The following KIF13B variants were observed in gnomAD, a reference collection of about 807,000 sequenced individuals.
KIF13B encodes the protein kinesin-like protein KIF13B.
In KIF13B, 127 loss-of-function variants were observed where a neutral mutation model predicts 222.0. The observed-to-expected ratio is 0.57, with a 90% CI of 0.50 to 0.66. The LOEUF (loss-of-function observed/expected upper bound fraction) is 0.66, where lower values mean the gene tolerates loss of function less well. KIF13B is among the 30% of genes least tolerant of loss of function. The pLI, the probability that KIF13B is intolerant of heterozygous loss-of-function variation, is 0.00. For missense variants in KIF13B, 2,173 were observed against 2,379.0 expected, an observed-to-expected ratio of 0.91 and a Z score of 1.80; for synonymous variants, 976 against 919.0, an observed-to-expected ratio of 1.06 and a Z score of -1.12.
chr8:29,230,786 T>C (rs1815251703), intron 2 of KIF13B, among the ~76,000 whole-genome samples: 1 of 152,184 alleles, frequency 6.6e-6, no homozygotes, highest in South Asian at 2.1e-4. Context: ...GGCAGAATGA[T>C]GAAAGCAGAA....
chr8:29,191,119 T>G, intron 3 of KIF13B, 62 bp from the exon 4 acceptor site: 1 of 1,229,080 alleles, frequency 8.1e-7, no homozygotes, highest in Non-Finnish European at 1.2e-6. Context: ...AAACCATAAC[T>G]GATAGAACTG....
chr8:29,128,973 T>G (rs932001294), intron 24 of KIF13B, among the ~76,000 whole-genome samples: 1 of 152,194 alleles, frequency 6.6e-6, no homozygotes, highest in Non-Finnish European at 1.5e-5. Flanking sequence ...GTTCTCTTCC[T>G]GTTTTCCAGC....
chr8:29,235,718 G>A (rs1359795819), intron 2 of KIF13B, among the ~76,000 whole-genome samples: 1 of 152,202 alleles, frequency 6.6e-6, no homozygotes, highest in Non-Finnish European at 1.5e-5. Flanking sequence ...CTACGTAGTG[G>A]CATTTCTCAA....
intron 2 of KIF13B, among the ~76,000 whole-genome samples, chr8:29,239,540 C>T (rs1045848604): frequency 6.6e-6 from 1 of 152,182 alleles, no homozygotes; most frequent in East Asian, 1.9e-4. Flanking sequence ...AAAGGGGGAA[C>T]GGAAGGAGGA....
intron 1 of KIF13B, among the ~76,000 whole-genome samples, chr8:29,248,229 A>G (rs1816122390): frequency 6.6e-6 from 1 of 152,194 alleles, no homozygotes; most frequent in Admixed American, 6.5e-5. Flanking sequence ...TTGTACACAA[A>G]TGTTCACAGT....
rs1240948183 is a variant in KIF13B at position 29,136,342 on chromosome 8, G to GT, written c.2614-2133_2614-2132insA. ...TCCTGTAATCCCAGCACTTTGGGAGGCCAAGGTGGGCGGATCACCTGAGGT... is the reference window on the plus strand; with the variant it reads ...TCCTGTAATCCCAGCACTTTGGGAGGTCCAAGGTGGGCGGATCACCTGAGGT... On this transcript the variant is annotated intron_variant, in intron 21 of 39. Transcript: ENST00000524189. Among the ~76,000 whole-genome samples the GT allele has an allele frequency of 2.8e-4, 42 of 152,230 alleles. 3 individuals carry two copies. The highest frequency in any genetic ancestry group is 9.9e-4 in the African/African-American group (41 of 41,538).
rs761007310 is a variant in KIF13B at position 29,147,567 on chromosome 8, G to T, written c.1849C>A (p.Gln617Lys). The change falls in exon 17 of 40, where the codon CAG becomes AAG. Residue 617 changes from glutamine (Q) to lysine (K), a missense_variant. Physicochemically the swap from Gln to Lys is moderately conservative, Grantham distance 53. Around this residue, in one of 2 missense-constraint regions of KIF13B, gnomAD observed 1,480 missense variants for 1,722.8 expected, o/e 0.86. Transcript: ENST00000524189. ...MQSILNSLEQQHEEEKRSALE... is the reference protein window; with the variant it reads ...MQSILNSLEQKHEEEKRSALE... ...GCAGATCGTTTTTCTTCTTCATGCT[G>T]TTGTTCTAAGCTGTTTAATATGGAC... is the stretch of plus-strand genomic sequence containing the variant. The T allele has an allele frequency of 6.2e-7, 1 of 1,613,208 alleles. No homozygotes were observed. Among genetic ancestry groups the T allele is most frequent in the South Asian group, 1.1e-5 (1 of 91,050 alleles).
intron 37 of KIF13B, among the ~76,000 whole-genome samples, chr8:29,080,643 C>G (rs903067557): frequency 6.6e-6 from 1 of 152,216 alleles, no homozygotes; most frequent in Non-Finnish European, 1.5e-5. Context: ...ATTTTAAATG[C>G]ATGGCTTGGC....
chr8:29,145,461 T>G (rs931760247), intron 18 of KIF13B, among the ~76,000 whole-genome samples: 1 of 151,900 alleles, frequency 6.6e-6, no homozygotes, highest in Non-Finnish European at 1.5e-5. Context: ...CAAAACCCCA[T>G]CTCTACTAAA....
chr8:29,151,012 T>C (rs949151851), intron 14 of KIF13B, among the ~76,000 whole-genome samples: 1 of 152,204 alleles, frequency 6.6e-6, no homozygotes, highest in South Asian at 2.1e-4. Flanking sequence ...CCAGGCCTCC[T>C]GTACCAACAG....
At chr8:29,231,292 G>A (rs1815274868) in intron 2 of KIF13B, among the ~76,000 whole-genome samples, 1 of 152,226 alleles carries the variant, frequency 6.6e-6, no homozygotes, top group South Asian at 2.1e-4. Flanking sequence ...CTTACATTCA[G>A]AGAAGGGATT....
chr8:29,164,849 G>A lies in KIF13B; in HGVS notation c.1269+813C>T, dbSNP rs188721513. Among the ~76,000 whole-genome samples the A allele has an allele frequency of 3.4e-4, 51 of 150,774 alleles. No individual in the cohort carries two copies. The East Asian group carries it at 7.4e-3, about 22-fold the overall frequency. ...CGAATTCTAATGTTCCTACCCTAAC[G>A]TGTTTTTTTTTTTTTTTAGATGGAG... is the stretch of plus-strand genomic sequence containing the variant. On this transcript the variant is annotated intron_variant, in intron 12 of 39. Coordinates refer to ENST00000524189, the MANE Select transcript of KIF13B (RefSeq NM_015254.4).
At chr8:29,115,033 T>A (rs1809529711) in intron 31 of KIF13B, among the ~76,000 whole-genome samples, 1 of 152,204 alleles carries the variant, frequency 6.6e-6, no homozygotes, top group South Asian at 2.1e-4. Flanking sequence ...ATTTTATTGA[T>A]GTTGGATTGC....
rs563244211 is a variant in KIF13B, at chr8:29,136,516, G to A, written c.2614-2306C>T. ...AATCACTTGAATCCGGGAGGAGGTG[G>A]AGGTTGCAGTGAGTTGACATCACGC... On this transcript the variant is annotated intron_variant, in intron 21 of 39. Transcript: ENST00000524189. 1.2e-4 allele frequency among the ~76,000 whole-genome samples: 18 copies of A among 152,200 alleles called. No homozygotes were observed. In the East Asian group the frequency reaches 3.1e-3, roughly 26 times the overall value.
Position 29,140,493 on chromosome 8 carries a change from A to G in KIF13B, c.2459T>C (p.Val820Ala). The G allele has an allele frequency of 6.2e-7, 1 of 1,613,974 alleles. No individual in the cohort carries two copies. The highest frequency in any genetic ancestry group is 8.5e-7 in the Non-Finnish European group (1 of 1,179,862). The change falls in exon 20 of 40, where the codon GTT (valine) becomes GCT (alanine). Residue 820 changes from valine to alanine, a missense_variant. Transcript: ENST00000524189. ...LFYDVKLQYA[V>A]PIINQKGEVA... The stretch of plus-strand genomic sequence containing the variant: ...CTCTCCTTTCTGGTTGATGATGGGA[A>G]CAGCGTATTGTAACTTCACATCATA...
intron 33 of KIF13B, 77 bp from the exon 34 acceptor site, chr8:29,109,588 T>G (rs1323792532): frequency 3.5e-5 from 40 of 1,126,990 alleles, no homozygotes; most frequent in Non-Finnish European, 5.1e-5. Flanking sequence ...TACAGCAGAC[T>G]TGCAACCCCC....
chr8:29,247,383 T>C (rs1331109369), intron 1 of KIF13B, among the ~76,000 whole-genome samples: 1 of 152,066 alleles, frequency 6.6e-6, no homozygotes, highest in Non-Finnish European at 1.5e-5. Flanking sequence ...GATCTGTCTC[T>C]AAAAACAAAA....
In KIF13B at chr8:29,118,983, A is replaced by G. The variant is rs557959639; in HGVS notation, c.3545T>C (p.Phe1182Ser). ...VIFLDLNADD[F>S]SSQDNLDDPE... The stretch of plus-strand genomic sequence containing the variant: ...GTCATCAAGATTATCCTGAGAGCTG[A>G]AATCATCAGCTAAAAGCAAAGAAGT... Residue 1182 changes from phenylalanine to serine, a missense_variant, in exon 30 of 40, where the codon TTC (phenylalanine) becomes TCC (serine). By Grantham distance (155) the Phe-to-Ser change is radical (BLOSUM62 -2). Transcript: ENST00000524189. 6.2e-7 allele frequency: 1 copy of G among 1,613,486 alleles called. No individual in the cohort carries two copies. The highest frequency in any genetic ancestry group is 1.1e-5 in the South Asian group (1 of 90,902).
chr8:29,084,164 C>T (rs755383337), intron 37 of KIF13B, among the ~76,000 whole-genome samples: 1 of 152,184 alleles, frequency 6.6e-6, no homozygotes, highest in Non-Finnish European at 1.5e-5. Context: ...GATCCGCCCA[C>T]CTCGGCCTCC....
Sources: gnomAD v4.1 joint callset for allele counts (sites outside exome capture counted in the v4.1 genomes callset) on GRCh38, gnomAD v4.1.1 for gene constraint, gnomAD v4.1.1 regional missense constraint, MANE v1.5 for transcripts, NCBI Gene and HGNC (gene_info 2026-07-23, HGNC 2026-07-21) for gene names.